Variants in SEMA5A observed in about 807,000 individuals in gnomAD.
The protein encoded by SEMA5A is semaphorin-5A.
In SEMA5A, 55 loss-of-function variants were observed where a neutral mutation model predicts 135.5. The ratio of observed to expected loss-of-function variants is 0.41; its 90% CI spans 0.33 to 0.51. The LOEUF (loss-of-function observed/expected upper bound fraction) is 0.51. SEMA5A is among the 20% of genes least tolerant of loss of function. The probability of loss-of-function intolerance (pLI) is 0.37; values close to 1 mark genes in which losing one functional copy is unlikely to be tolerated. For missense variants in SEMA5A, 1,290 were observed against 1,419.9 expected, an observed-to-expected ratio of 0.91 and a Z score of 1.47; for synonymous variants, 580 against 546.5, an observed-to-expected ratio of 1.06 and a Z score of -0.85.
chr5:9,478,499 G>A (rs1316489223), intron 1 of SEMA5A, among the ~76,000 whole-genome samples: 1 of 152,238 alleles, frequency 6.6e-6, no homozygotes, highest in South Asian at 2.1e-4. Flanking sequence ...GGTCAAGGCT[G>A]CCCAAGGGCT....
intron 1 of SEMA5A, among the ~76,000 whole-genome samples, chr5:9,462,898 T>C (rs932991823): frequency 6.6e-6 from 1 of 150,496 alleles, no homozygotes; most frequent in Admixed American, 6.7e-5. Context: ...ACCTGGGCAA[T>C]GAAATAATCT....
chr5:9,131,415 A>G (rs1179446989), intron 13 of SEMA5A, among the ~76,000 whole-genome samples: 2 of 151,708 alleles, frequency 1.3e-5, no homozygotes, highest in Admixed American at 6.6e-5. Context: ...GAGACCATCC[A>G]GGCTAACACG....
chr5:9,461,562 C>G (rs1035250663), intron 1 of SEMA5A, among the ~76,000 whole-genome samples: 1 of 152,136 alleles, frequency 6.6e-6, no homozygotes, highest in Non-Finnish European at 1.5e-5. Context: ...AGAGGCCCAT[C>G]ATCTTCTGAT....
At chr5:9,228,156 G>A (rs142149372) in intron 6 of SEMA5A, among the ~76,000 whole-genome samples, 1 of 152,174 alleles carries the variant, frequency 6.6e-6, no homozygotes, top group East Asian at 1.9e-4. Flanking sequence ...TTACCACAGA[G>A]CTGTCCATGC....
chr5:9,481,512 A>T (rs7703893), intron 1 of SEMA5A, among the ~76,000 whole-genome samples: 1,847 of 152,276 alleles, frequency 0.012, 34 homozygotes, highest in African/African-American at 0.041. Context: ...ATATAAACCA[A>T]CATAGTCCTG....
Position 9,051,938 on chromosome 5 carries a change from C to A in SEMA5A, c.2780G>T (p.Gly927Val). 1 of 1,614,186 alleles carries A rather than the reference C, an allele frequency of 6.2e-7. No individual in the cohort carries two copies. Among genetic ancestry groups the A allele is most frequent in the South Asian group, 1.1e-5 (1 of 91,086 alleles). The stretch of plus-strand genomic sequence containing the variant: ...CGTGGTGTTCCCGGAGCACTGGCTG[C>A]CCATGGGGAACAGGAGGATGCACTG... Reference protein sequence around the residue: ...ARQCILLFPMGSQCSGNTTES... With the variant: ...ARQCILLFPMVSQCSGNTTES... The change falls in exon 20 of 23, where the codon GGC becomes GTC. Residue 927 changes from glycine to valine, a missense_variant. This residue lies in a region of SEMA5A where 1,029 missense variants were observed against 1,086.6 expected (regional missense o/e 0.95). Transcript: ENST00000382496.
intron 15 of SEMA5A, among the ~76,000 whole-genome samples, chr5:9,113,810 A>T (rs1485446605): frequency 6.6e-6 from 1 of 152,214 alleles, no homozygotes; most frequent in Non-Finnish European, 1.5e-5. Context: ...AAATAAGAAG[A>T]ATGCAGAGAA....
intron 18 of SEMA5A, among the ~76,000 whole-genome samples, chr5:9,061,307 C>A (rs1048943041): frequency 2.6e-5 from 4 of 152,294 alleles, no homozygotes; most frequent in Non-Finnish European, 2.9e-5. Context: ...GAAGAAAGAT[C>A]AATTAACCAA....
chr5:9,527,978 A>G (rs750118612), intron 1 of SEMA5A, among the ~76,000 whole-genome samples: 8 of 152,232 alleles, frequency 5.3e-5, no homozygotes, highest in Non-Finnish European at 1.2e-4. Flanking sequence ...ATCTATTTTT[A>G]TGAAACAATC....
chr5:9,055,394 G>A (rs1231318690), intron 18 of SEMA5A, among the ~76,000 whole-genome samples: 3 of 152,180 alleles, frequency 2.0e-5, no homozygotes, highest in African/African-American at 4.8e-5. Context: ...CACTATTGCT[G>A]TATGTAGACA....
intron 3 of SEMA5A, among the ~76,000 whole-genome samples, chr5:9,377,478 T>C (rs1327719083): frequency 2.0e-5 from 3 of 151,994 alleles, no homozygotes; most frequent in Non-Finnish European, 4.4e-5. Context: ...TTTCTACTGG[T>C]TTTAAAGCAG....
At chr5:9,062,560 G>C (rs968673179) in intron 18 of SEMA5A, among the ~76,000 whole-genome samples, 20 of 152,072 alleles carry the variant, frequency 1.3e-4, no homozygotes, top group African/African-American at 4.8e-4. Flanking sequence ...TGATCTCCTG[G>C]ACTACAGAAA....
chr5:9,152,496 T>C (rs1742685107), intron 12 of SEMA5A, among the ~76,000 whole-genome samples: 2 of 152,220 alleles, frequency 1.3e-5, no homozygotes, highest in South Asian at 2.1e-4. Context: ...CTGTTATTAA[T>C]GTTCACAATA....
At chr5:9,217,266 T>C (rs1201789581) in intron 8 of SEMA5A, among the ~76,000 whole-genome samples, 1 of 152,236 alleles carries the variant, frequency 6.6e-6, no homozygotes, top group African/African-American at 2.4e-5. Context: ...TATGAAATTC[T>C]TGGTTGAAGA....
chr5:9,479,256 T>C (rs1362406443), intron 1 of SEMA5A, among the ~76,000 whole-genome samples: 1 of 152,076 alleles, frequency 6.6e-6, no homozygotes. Flanking sequence ...TGGTGACACA[T>C]GGCTGTATTA....
At chr5:9,305,901 A>G (rs1345377807) in intron 5 of SEMA5A, among the ~76,000 whole-genome samples, 2 of 152,118 alleles carry the variant, frequency 1.3e-5, no homozygotes, top group Non-Finnish European at 2.9e-5. Flanking sequence ...TTCTTCCAGC[A>G]TGGCAGAGGA....
chr5:9,305,729 TACACGCAC>T (rs1751835098), intron 5 of SEMA5A, among the ~76,000 whole-genome samples: 1 of 90,332 alleles, frequency 1.1e-5, no homozygotes, highest in African/African-American at 5.0e-5. Context: ...TATATATATT[TACACGCAC>T]ACACACACAC....
chr5:9,277,573 C>T (rs773780487), intron 5 of SEMA5A, among the ~76,000 whole-genome samples: 1 of 152,154 alleles, frequency 6.6e-6, no homozygotes, highest in African/African-American at 2.4e-5. Flanking sequence ...CTCAAATGCC[C>T]ATCAATGATA....
At chr5:9,148,373 T>C (rs572628763) in intron 12 of SEMA5A, among the ~76,000 whole-genome samples, 6 of 152,130 alleles carry the variant, frequency 3.9e-5, no homozygotes, top group Admixed American at 6.5e-5. Context: ...AACTGGGGAA[T>C]GTTCCTCTCT....
Sources: allele counts gnomAD v4.1 joint callset (sites outside exome capture counted in the v4.1 genomes callset), GRCh38; gene constraint gnomAD v4.1.1; regional missense constraint gnomAD v4.1.1; transcripts MANE v1.5; gene names NCBI Gene and HGNC (gene_info 2026-07-23, HGNC 2026-07-21).